Variants in TPRG1 observed in about 807,000 individuals in gnomAD.
TPRG1 encodes the protein tumor protein p63 regulated 1, also known as tumor protein p63-regulated gene 1 protein.
A neutral mutation model predicts 29.3 loss-of-function variants in TPRG1; 29 were observed. That is an observed-to-expected ratio of 0.99 (90% CI 0.74 to 1.35). The LOEUF (loss-of-function observed/expected upper bound fraction) is 1.35, where lower values mean the gene tolerates loss of function less well. TPRG1 is among the 40% of genes most tolerant of loss of function. The probability of loss-of-function intolerance (pLI) is 0.00; values close to 1 mark genes in which losing one functional copy is unlikely to be tolerated. For missense variants in TPRG1, 327 were observed against 335.0 expected (o/e 0.98, Z 0.19); for synonymous variants, 130 against 116.8 (o/e 1.11, Z -0.73).
intron 5 of TPRG1, among the ~76,000 whole-genome samples, chr3:189,164,867 T>C (rs1363594666): frequency 1.3e-5 from 2 of 152,172 alleles, no homozygotes; most frequent in Non-Finnish European, 2.9e-5. Context: ...CCAAACGTGC[T>C]TTAAGAAAAC....
chr3:189,013,608 T>C (rs1239934895), intron 3 of TPRG1, among the ~76,000 whole-genome samples: 1 of 152,142 alleles, frequency 6.6e-6, no homozygotes, highest in Non-Finnish European at 1.5e-5. Flanking sequence ...TGTTTAATAT[T>C]GTCAGTAGGG....
chr3:189,205,366 T>G (rs954643126), intron 1 of TPRG1, among the ~76,000 whole-genome samples: 6 of 152,234 alleles, frequency 3.9e-5, no homozygotes, highest in Non-Finnish European at 5.9e-5. Flanking sequence ...AACATATATA[T>G]AGAGCCACAT....
At chr3:189,218,287 G>T (rs1297318427) in intron 3 of TPRG1, among the ~76,000 whole-genome samples, 6 of 146,662 alleles carry the variant, frequency 4.1e-5, no homozygotes, top group Non-Finnish European at 9.0e-5. Context: ...CTAATTTTTT[G>T]TTTTTTTTTT....
At chr3:189,302,197 G>A (rs1720945027) in intron 4 of TPRG1, among the ~76,000 whole-genome samples, 1 of 152,196 alleles carries the variant, frequency 6.6e-6, no homozygotes, top group Admixed American at 6.5e-5. Flanking sequence ...GCTGCTCTGA[G>A]TTTATGGAAG....
intron 3 of TPRG1, among the ~76,000 whole-genome samples, chr3:189,236,696 T>G (rs886881648): frequency 2.0e-5 from 3 of 152,216 alleles, no homozygotes; most frequent in Non-Finnish European, 4.4e-5. Flanking sequence ...CTAATACTTA[T>G]GAATATATAA....
At chr3:189,231,265 C>CATATATATATATATAT (rs149177739) in intron 3 of TPRG1, among the ~76,000 whole-genome samples, 1,622 of 144,172 alleles carry the variant, frequency 0.011, 27 homozygotes, top group African/African-American at 0.03. Context: ...ACCTATAAAA[C>CATATATATATATATAT]ATATATATAT....
chr3:189,265,569 T>C (rs145833875), intron 4 of TPRG1, among the ~76,000 whole-genome samples: 5 of 152,304 alleles, frequency 3.3e-5, no homozygotes, highest in African/African-American at 9.6e-5. Flanking sequence ...CACACACCTA[T>C]CTGAAACACT....
intron 2 of TPRG1, among the ~76,000 whole-genome samples, chr3:189,001,125 T>G (rs1711998417): frequency 6.6e-6 from 1 of 152,134 alleles, no homozygotes; most frequent in Non-Finnish European, 1.5e-5. Flanking sequence ...AATGTAAAAA[T>G]GAATTTTGGA....
intron 4 of TPRG1, among the ~76,000 whole-genome samples, chr3:189,263,835 G>A (rs888157855): frequency 6.6e-6 from 1 of 152,156 alleles, no homozygotes; most frequent in Non-Finnish European, 1.5e-5. Context: ...TCCAAACTAA[G>A]AGACGTGTGA....
intron 5 of TPRG1, among the ~76,000 whole-genome samples, chr3:189,160,692 C>G (rs1727355742): frequency 6.6e-6 from 1 of 152,180 alleles, no homozygotes; most frequent in Non-Finnish European, 1.5e-5. Context: ...AAGGCAAAAG[C>G]TCAGAGGGAA....
At chr3:189,148,818 G>A (rs1268030778) in intron 4 of TPRG1, among the ~76,000 whole-genome samples, 1 of 152,230 alleles carries the variant, frequency 6.6e-6, no homozygotes, top group Non-Finnish European at 1.5e-5. Context: ...AACCCACTAT[G>A]TGAAATGGAT....
chr3:189,074,643 T>C (rs539038488), intron 4 of TPRG1, among the ~76,000 whole-genome samples: 1 of 152,358 alleles, frequency 6.6e-6, no homozygotes, highest in African/African-American at 2.4e-5. Flanking sequence ...CTGTTCTTTC[T>C]TTAACTGTGT....
intron 4 of TPRG1, among the ~76,000 whole-genome samples, chr3:189,269,842 T>C (rs911262410): frequency 6.6e-6 from 1 of 152,218 alleles, no homozygotes; most frequent in Non-Finnish European, 1.5e-5. Context: ...AGTTTTTTCA[T>C]TGACCTAAAT....
chr3:189,133,430 T>G (rs568311514), intron 3 of TPRG1, among the ~76,000 whole-genome samples: 1 of 152,302 alleles, frequency 6.6e-6, no homozygotes, highest in South Asian at 2.1e-4. Context: ...CCTACTCAAA[T>G]GCCATCTTGA....
intron 4 of TPRG1, among the ~76,000 whole-genome samples, chr3:189,060,659 T>A (rs1716041327): frequency 6.6e-6 from 1 of 152,076 alleles, no homozygotes; most frequent in East Asian, 1.9e-4. Flanking sequence ...ACAGCCAAGA[T>A]GAGAGCCAAA....
chr3:189,125,400 G>C lies in TPRG1; in HGVS notation c.-743-1657G>C, dbSNP rs3846198. 9.4e-3 allele frequency among the ~76,000 whole-genome samples: 1,436 copies of C among 152,240 alleles called. 35 individuals are homozygous for C. Among genetic ancestry groups the C allele is most frequent in the East Asian group, 0.043 (222 of 5,188 alleles). On this transcript the variant is annotated intron_variant, in intron 1 of 6. Coordinates refer to the TPRG1 transcript ENST00000412373. ...AGAAATTACACAGTGAATTTATAAA[G>C]TACTACATTAAATGAAGGTGCTTAT...
At chr3:189,111,253 G>C (rs2378471) in intron 1 of TPRG1, among the ~76,000 whole-genome samples, 1 of 151,758 alleles carries the variant, frequency 6.6e-6, no homozygotes, top group South Asian at 2.1e-4. Context: ...GATTTCTTTT[G>C]TCAGTATTTT....
chr3:189,022,548 G>T (rs1187646406), intron 3 of TPRG1, among the ~76,000 whole-genome samples: 2 of 151,600 alleles, frequency 1.3e-5, no homozygotes, highest in African/African-American at 2.4e-5. Flanking sequence ...CTGCTCGGGG[G>T]TCAGGGGTCA....
chr3:189,218,499 T>TGGCTGCTTGTCTAGCAACAG (rs1736440128), intron 3 of TPRG1, among the ~76,000 whole-genome samples: 1 of 152,220 alleles, frequency 6.6e-6, no homozygotes, highest in Non-Finnish European at 1.5e-5. Flanking sequence ...GGGACACTCC[T>TGGCTGCTTGTCTAGCAACAG]GGCTGCTTGT....
Sources: allele counts gnomAD v4.1 joint callset (sites outside exome capture counted in the v4.1 genomes callset), GRCh38; gene constraint gnomAD v4.1.1; transcripts MANE v1.5; gene names NCBI Gene and HGNC (gene_info 2026-07-23, HGNC 2026-07-21).